The following UXS1 variants were observed in gnomAD, a reference collection of about 807,000 sequenced individuals.
UXS1 encodes UDP-glucuronate decarboxylase 1.
A neutral mutation model predicts 62.6 loss-of-function variants in UXS1; 33 were observed. The ratio of observed to expected loss-of-function variants is 0.53; its 90% CI spans 0.40 to 0.70. The LOEUF (loss-of-function observed/expected upper bound fraction) is 0.70. Ranked by LOEUF, UXS1 falls within the 30% of genes least tolerant of loss-of-function variation. The probability of loss-of-function intolerance (pLI) is 0.00; values close to 1 mark genes in which losing one functional copy is unlikely to be tolerated. For synonymous variants in UXS1, 213 were observed against 206.8 expected, an observed-to-expected ratio of 1.03 and a Z score of -0.26; for missense variants, 434 against 556.3, an observed-to-expected ratio of 0.78 and a Z score of 2.21.
intron 6 of UXS1, among the ~76,000 whole-genome samples, chr2:106,136,929 GAAAAAA>G (rs796326130): frequency 5.5e-5 from 3 of 54,130 alleles, no homozygotes; most frequent in African/African-American, 2.0e-4. Flanking sequence ...AATAAAAAAA[GAAAAAA>G]AAAAAGAATG....
intron 7 of UXS1, among the ~76,000 whole-genome samples, chr2:106,125,964 G>A (rs1679907090): frequency 6.6e-6 from 1 of 152,148 alleles, no homozygotes; most frequent in Non-Finnish European, 1.5e-5. Flanking sequence ...GTTTCGTGAA[G>A]ACTCCTCTGC....
At chr2:106,139,752 A>G (rs1680949533) in intron 6 of UXS1, among the ~76,000 whole-genome samples, 1 of 152,194 alleles carries the variant, frequency 6.6e-6, no homozygotes. Flanking sequence ...CCCATGCTGT[A>G]TGAAACTGCC....
In UXS1 at chr2:106,107,543, G is replaced by A. The variant is rs1178221252; in HGVS notation, c.880-2706C>T. On this transcript the variant is annotated intron_variant, in intron 10 of 14. Transcript: ENST00000283148. ...CCGGGATGGGTTAACTAGGCTGCCA[G>A]GGTCAGGATGTGAAGAACCACGCCA... 3.3e-5 allele frequency among the ~76,000 whole-genome samples: 5 copies of A among 152,354 alleles called. No homozygotes were observed. The East Asian group carries it at 9.6e-4, about 29-fold the overall frequency.
intron 13 of UXS1, 92 bp from the exon 14 acceptor site, chr2:106,096,913 G>T: frequency 8.0e-7 from 1 of 1,254,152 alleles, no homozygotes; most frequent in Non-Finnish European, 1.1e-6. Flanking sequence ...AACCCCATAT[G>T]TGGTGTGAAT....
At chr2:106,146,431 A>G (rs191108331) in intron 5 of UXS1, among the ~76,000 whole-genome samples, 2 of 152,358 alleles carry the variant, frequency 1.3e-5, no homozygotes, top group Admixed American at 1.3e-4. Flanking sequence ...ACTCCTGTTT[A>G]AAATAAATGA....
At chr2:106,100,603 G>C (rs1296028402) in intron 12 of UXS1, among the ~76,000 whole-genome samples, 2 of 152,202 alleles carry the variant, frequency 1.3e-5, no homozygotes, top group African/African-American at 4.8e-5. Flanking sequence ...TGGGGCTGTG[G>C]GCAGGCATGC....
chr2:106,168,563 G>T (rs547919126), intron 1 of UXS1, among the ~76,000 whole-genome samples: 1 of 152,128 alleles, frequency 6.6e-6, no homozygotes, highest in Non-Finnish European at 1.5e-5. Context: ...CTTGGGGTCC[G>T]GATCGGGACC....
chr2:106,136,858 C>T (rs1573481044), intron 6 of UXS1, among the ~76,000 whole-genome samples: 2 of 114,004 alleles, frequency 1.8e-5, no homozygotes, highest in African/African-American at 6.8e-5. Context: ...CACATGTATA[C>T]ATATGTAACT....
intron 5 of UXS1, among the ~76,000 whole-genome samples, chr2:106,151,836 G>A (rs1682039701): frequency 6.6e-6 from 1 of 152,234 alleles, no homozygotes; most frequent in African/African-American, 2.4e-5. Flanking sequence ...CTCACAGCGA[G>A]AGTTATGTAA....
intron 4 of UXS1, 94 bp downstream of exon 4, chr2:106,163,573 G>C (rs1683034770): frequency 7.2e-6 from 6 of 837,552 alleles, no homozygotes. Context: ...CATTTATTTA[G>C]GTTGGCAGAG....
At chr2:106,153,793 C>T (rs1404088438) in intron 5 of UXS1, among the ~76,000 whole-genome samples, 2 of 152,150 alleles carry the variant, frequency 1.3e-5, no homozygotes, top group Non-Finnish European at 2.9e-5. Context: ...GGTGCAAAAG[C>T]AATTGCAGTT....
intron 13 of UXS1, 76 bp from the exon 14 acceptor site, chr2:106,096,897 A>G: frequency 7.2e-7 from 1 of 1,380,650 alleles, no homozygotes; most frequent in Non-Finnish European, 1.0e-6. Context: ...ATCCACATCA[A>G]AGGCAAACCC....
At chr2:106,094,444 C>T (rs1359949713) in intron 14 of UXS1, among the ~76,000 whole-genome samples, 1 of 152,190 alleles carries the variant, frequency 6.6e-6, no homozygotes, top group Non-Finnish European at 1.5e-5. Context: ...ACCCCGACTA[C>T]CTCTTGCTGG....
At chr2:106,150,655 T>G (rs1681933770) in intron 5 of UXS1, among the ~76,000 whole-genome samples, 1 of 152,172 alleles carries the variant, frequency 6.6e-6, no homozygotes, top group Non-Finnish European at 1.5e-5. Context: ...CATGGCTTCT[T>G]CCAACTAGAT....
At chr2:106,113,197 T>C (rs1298311824) in intron 9 of UXS1, among the ~76,000 whole-genome samples, 1 of 152,226 alleles carries the variant, frequency 6.6e-6, no homozygotes, top group Non-Finnish European at 1.5e-5. Context: ...TCAATGAATA[T>C]TTAATAGCTA....
At chr2:106,175,707 T>G (rs922975250) in intron 1 of UXS1, among the ~76,000 whole-genome samples, 2 of 152,204 alleles carry the variant, frequency 1.3e-5, no homozygotes, top group Non-Finnish European at 1.5e-5. Context: ...CAGCCAAGCC[T>G]GAGTCTGTCC....
rs1244073263 is a variant in UXS1, at chr2:106,194,137, C to T, written c.94+11G>A. 64 of 1,469,486 alleles carry T rather than the reference C, an allele frequency of 4.4e-5. No individual in the cohort carries two copies. The highest frequency in any genetic ancestry group is 5.4e-5 in the Non-Finnish European group (60 of 1,108,726). The allele number at this position is 1,469,486 out of a possible 1,614,324, so 91.0% of individuals were successfully genotyped here. On this transcript the variant is annotated intron_variant, in intron 1 of 14. Coordinates refer to ENST00000283148, the MANE Select transcript of UXS1 (RefSeq NM_001253875.2). ...ATGGGGCTCCCCAGCTGGCAGCGGG[C>T]GCGCACTCACAGGCGACGTAGGCCA...
At chr2:106,142,639 G>A (rs1573496883) in intron 6 of UXS1, among the ~76,000 whole-genome samples, 2 of 152,182 alleles carry the variant, frequency 1.3e-5, no homozygotes, top group African/African-American at 4.8e-5. Flanking sequence ...TTCTGGCATT[G>A]TTGGATGAAG....
intron 8 of UXS1, 100 bp from the exon 9 acceptor site, chr2:106,123,191 A>G (rs1305845683): frequency 3.9e-6 from 6 of 1,534,856 alleles, no homozygotes; most frequent in Non-Finnish European, 5.3e-6. Context: ...GGAAAGACCC[A>G]TTTAGAGATG....
Sources: gnomAD v4.1 joint callset for allele counts (sites outside exome capture counted in the v4.1 genomes callset) on GRCh38, gnomAD v4.1.1 for gene constraint, MANE v1.5 for transcripts, NCBI Gene and HGNC (gene_info 2026-07-23, HGNC 2026-07-21) for gene names.